The following MRTFB variants were observed in gnomAD, a reference collection of about 807,000 sequenced individuals.
MRTFB encodes myocardin-related transcription factor B.
MRTFB carries 29 observed loss-of-function variants against 104.2 expected under a neutral mutation model. The observed-to-expected ratio is 0.28, with a 90% CI of 0.21 to 0.38. The LOEUF (loss-of-function observed/expected upper bound fraction) is 0.38. MRTFB is among the 10% of genes least tolerant of loss of function. The pLI is 1.00. For missense variants in MRTFB, 1,270 were observed against 1,341.6 expected (o/e 0.95, Z 0.83); for synonymous variants, 535 against 519.5 (o/e 1.03, Z -0.41).
intron 3 of MRTFB, among the ~76,000 whole-genome samples, chr16:14,161,197 A>G (rs1472513107): frequency 6.7e-6 from 1 of 149,602 alleles, no homozygotes; most frequent in African/African-American, 2.5e-5. Context: ...AAGAATAGCC[A>G]TGCCATCATG....
intron 3 of MRTFB, among the ~76,000 whole-genome samples, chr16:14,178,898 C>T (rs1223323444): frequency 6.6e-6 from 1 of 152,020 alleles, no homozygotes; most frequent in Non-Finnish European, 1.5e-5. Flanking sequence ...CAGAGGTGCA[C>T]GCCACCACAC....
At chr16:14,252,254 A>G (rs2043286282) in intron 14 of MRTFB, 111 bp from the exon 15 acceptor site, 2 of 1,485,144 alleles carry the variant, frequency 1.3e-6, no homozygotes, top group East Asian at 2.3e-5. Flanking sequence ...GAACCTGCTC[A>G]TGAATTCCCT....
rs1460288621 is a variant in MRTFB at position 14,265,339 on chromosome 16, G to A, written c.*3895G>A. ...CCATACAAATCGTCCCACCGCCCTAGAGGCCACAGAATTAGCCCAAAATTA... is the reference window on the plus strand; with the variant it reads ...CCATACAAATCGTCCCACCGCCCTAAAGGCCACAGAATTAGCCCAAAATTA... On this transcript the variant is annotated 3_prime_UTR_variant, in exon 17 of 17. Transcript: ENST00000571589. 6.6e-6 allele frequency: 1 copy of A among 152,154 alleles called. No homozygotes were observed. The highest frequency in any genetic ancestry group is 2.4e-5 in the African/African-American group (1 of 41,420). 9.4% of individuals were successfully genotyped at this position (152,154 alleles called of 1,614,324 possible). A position where few individuals can be genotyped will look rare whatever the true frequency, so the allele number is the denominator to read the frequency against.
chr16:14,179,919 C>T (rs1010761555), intron 3 of MRTFB, among the ~76,000 whole-genome samples: 1 of 152,140 alleles, frequency 6.6e-6, no homozygotes, highest in African/African-American at 2.4e-5. Flanking sequence ...GTGAGACGCT[C>T]AAGTGCATGA....
chr16:14,131,643 TGG>T (rs1221028688), intron 2 of MRTFB, among the ~76,000 whole-genome samples: 2 of 151,986 alleles, frequency 1.3e-5, no homozygotes, highest in Non-Finnish European at 2.9e-5. Flanking sequence ...TATATAAAAA[TGG>T]GTATTTCTGT....
At position 14,147,491 on chromosome 16, in the gene MRTFB, T is replaced by C. The variant is rs141758793; in HGVS notation, c.154+6731T>C. On this transcript the variant is annotated intron_variant, in intron 3 of 16. Transcript: ENST00000571589. Reference sequence around the variant, plus strand: ...ATAAGCACCTGTAACCCTGTCTGCCTTCTATTTTTCTACTCTGAGTGTCTT... The same window carrying C: ...ATAAGCACCTGTAACCCTGTCTGCCCTCTATTTTTCTACTCTGAGTGTCTT... 3.9e-5 allele frequency among the ~76,000 whole-genome samples: 6 copies of C among 152,344 alleles called. No homozygotes were observed. The East Asian group carries it at 1.2e-3, about 29-fold the overall frequency.
intron 2 of MRTFB, among the ~76,000 whole-genome samples, chr16:14,096,706 T>A (rs1156593160): frequency 6.6e-6 from 1 of 152,206 alleles, no homozygotes; most frequent in Non-Finnish European, 1.5e-5. Flanking sequence ...TTCTCTAAAA[T>A]CGACAGTAAA....
the MRTFB span, among the ~76,000 whole-genome samples, chr16:14,014,818 G>A: frequency 4.6e-5 from 7 of 152,188 alleles, no homozygotes; most frequent in African/African-American, 1.7e-4. Context: ...GTAGTGAGCT[G>A]AGATCGTGCC....
the MRTFB span, chr16:14,019,614 T>C: frequency 2.6e-5 from 4 of 152,338 alleles, no homozygotes; most frequent in Admixed American, 2.6e-4. Context: ...ATGACCCACA[T>C]ACTTGGGAAT....
intron 3 of MRTFB, chr16:14,140,968 G>A: frequency 5.7e-6 from 3 of 526,406 alleles, no homozygotes; most frequent in Non-Finnish European, 1.0e-5. Context: ...AAGTATCTTT[G>A]GTAGTGACGT....
At chr16:14,225,261 T>G (rs1202736301) in intron 8 of MRTFB, among the ~76,000 whole-genome samples, 1 of 152,172 alleles carries the variant, frequency 6.6e-6, no homozygotes, top group Non-Finnish European at 1.5e-5. Flanking sequence ...TAACTCTACT[T>G]TTTTTCCTAC....
chr16:14,105,586 A>C (rs1000636861), intron 2 of MRTFB, among the ~76,000 whole-genome samples: 2 of 152,050 alleles, frequency 1.3e-5, no homozygotes, highest in African/African-American at 4.8e-5. Flanking sequence ...TTTTGTAAAG[A>C]TAGGGTCTCA....
chr16:14,134,065 T>C (rs576060044), intron 2 of MRTFB, among the ~76,000 whole-genome samples: 13 of 152,352 alleles, frequency 8.5e-5, no homozygotes, highest in Admixed American at 2.6e-4. Flanking sequence ...TTAAGTGTTA[T>C]AGTACTTACT....
At chr16:14,221,117 T>C (rs2041681895) in intron 8 of MRTFB, among the ~76,000 whole-genome samples, 1 of 152,202 alleles carries the variant, frequency 6.6e-6, no homozygotes, top group South Asian at 2.1e-4. Context: ...TTGTAGGTGC[T>C]TCGTTTTGGT....
chr16:14,109,240 C>T (rs886348670), intron 2 of MRTFB, among the ~76,000 whole-genome samples: 3 of 152,146 alleles, frequency 2.0e-5, no homozygotes, highest in Admixed American at 6.5e-5. Flanking sequence ...AATGCTTTTC[C>T]TCACTCTAAG....
rs755658896 is a variant in MRTFB, at chr16:14,251,886, A to G, written c.2428A>G (p.Asn810Asp). Residue 810 changes from asparagine (N) to aspartate (D), a missense_variant, in exon 14 of 17, where the codon AAT (asparagine) becomes GAT (aspartate). Around this residue, in one of 3 missense-constraint regions of MRTFB, gnomAD observed 1,144 missense variants for 1,131.5 expected, o/e 1.01. Coordinates refer to ENST00000571589, the MANE Select transcript of MRTFB (RefSeq NM_001308142.2). ...GGTTTTCACAAACTCAGCATCATCA[A>G]ATACAGTTCTTCCATATCAGAGACA... is the stretch of plus-strand genomic sequence containing the variant. Reference protein sequence around the residue: ...RKVFTNSASSNTVLPYQRHPA... With the variant: ...RKVFTNSASSDTVLPYQRHPA... The G allele has an allele frequency of 2.4e-5, 39 of 1,614,082 alleles. No individual in the cohort carries two copies. Among genetic ancestry groups the G allele is most frequent in the Non-Finnish European group, 3.2e-5 (38 of 1,180,026 alleles).
chr16:14,233,998 A>C (rs1193868993), intron 8 of MRTFB, 148 bp from the exon 9 acceptor site: 1 of 914,532 alleles, frequency 1.1e-6, no homozygotes, highest in Non-Finnish European at 1.6e-6. Flanking sequence ...ATGTTATTCC[A>C]CCATCTGGCC....
At chr16:14,219,692 C>T (rs568737822) in intron 8 of MRTFB, among the ~76,000 whole-genome samples, 2 of 152,342 alleles carry the variant, frequency 1.3e-5, no homozygotes, top group African/African-American at 4.8e-5. Context: ...CATTTCTTCT[C>T]ATTCATGACC....
chr16:14,186,776 A>G (rs1188304794), intron 3 of MRTFB: 3 of 1,518,906 alleles, frequency 2.0e-6, no homozygotes, highest in Non-Finnish European at 1.7e-6. Flanking sequence ...GCTTAAAGAC[A>G]TAATTGGCCA....
Sources: gnomAD v4.1 joint callset for allele counts (sites outside exome capture counted in the v4.1 genomes callset) on GRCh38, gnomAD v4.1.1 for gene constraint, gnomAD v4.1.1 regional missense constraint, MANE v1.5 for transcripts, NCBI Gene and HGNC (gene_info 2026-07-23, HGNC 2026-07-21) for gene names.